The following NT5DC3 variants were observed in gnomAD, a reference collection of about 807,000 sequenced individuals.
NT5DC3 encodes 5'-nucleotidase domain containing 3, also known as 5'-nucleotidase domain-containing protein 3.
A neutral mutation model predicts 67.8 loss-of-function variants in NT5DC3; 42 were observed. The observed-to-expected ratio is 0.62, with a 90% CI of 0.48 to 0.80. The LOEUF (loss-of-function observed/expected upper bound fraction) is 0.80. NT5DC3 is among the 30% of genes least tolerant of loss of function. The probability of loss-of-function intolerance (pLI) is 0.00; values close to 1 mark genes in which losing one functional copy is unlikely to be tolerated. For missense variants in NT5DC3, 570 were observed against 696.4 expected, an observed-to-expected ratio of 0.82 and a Z score of 2.04; for synonymous variants, 237 against 255.6, an observed-to-expected ratio of 0.93 and a Z score of 0.69.
intron 2 of NT5DC3, among the ~76,000 whole-genome samples, chr12:103,809,584 C>T (rs770865184): frequency 1.3e-5 from 2 of 152,234 alleles, no homozygotes; most frequent in Non-Finnish European, 2.9e-5. Context: ...AAAGTCACAT[C>T]TTACATGGCA....
downstream of NT5DC3, among the ~76,000 whole-genome samples, chr12:103,771,785 G>GT (rs1246020882): frequency 1.3e-5 from 2 of 152,188 alleles, no homozygotes; most frequent in Non-Finnish European, 2.9e-5. Flanking sequence ...GAAGCCCCAA[G>GT]TGTCTTATAA....
chr12:103,763,764 G>C, the NT5DC3 span: 1 of 674,888 alleles, frequency 1.5e-6, no homozygotes, highest in Admixed American at 2.8e-5. Context: ...CAAGCTGACT[G>C]AAGCCAGTGT....
At position 103,809,683 on chromosome 12, in the gene NT5DC3, GA is replaced by G. The variant is rs1886948053; in HGVS notation, c.394-2755del. 3.3e-5 allele frequency among the ~76,000 whole-genome samples: 5 copies of G among 152,226 alleles called. 1 individual carries two copies. In the South Asian group the frequency reaches 1.0e-3, roughly 32 times the overall value. On this transcript the variant is annotated intron_variant, in intron 2 of 13. Coordinates refer to ENST00000392876, the MANE Select transcript of NT5DC3 (RefSeq NM_001031701.3). ...ATTCACTATTGTGAGAACAGCACAG[GA>G]AAAACCCACCCCCATGATTCAATTG...
At chr12:103,807,724 C>A (rs1886862506) in intron 2 of NT5DC3, among the ~76,000 whole-genome samples, 1 of 152,196 alleles carries the variant, frequency 6.6e-6, no homozygotes, top group South Asian at 2.1e-4. Context: ...TTGTAGTTCC[C>A]ATAATTCCCA....
At chr12:103,787,589 A>T in intron 10 of NT5DC3, 62 bp from the exon 11 acceptor site, 1 of 937,098 alleles carries the variant, frequency 1.1e-6, no homozygotes, top group Admixed American at 2.5e-5. Context: ...AACCCACAGT[A>T]CAAAATATAA....
intron 4 of NT5DC3, among the ~76,000 whole-genome samples, chr12:103,802,965 G>C (rs185674855): frequency 1.1e-4 from 17 of 152,244 alleles, no homozygotes; most frequent in African/African-American, 3.4e-4. Context: ...ATGATTTAGG[G>C]AATCAGTCTG....
intron 4 of NT5DC3, 78 bp downstream of exon 4, chr12:103,806,244 T>C (rs1357747933): frequency 2.3e-6 from 2 of 871,640 alleles, no homozygotes; most frequent in Admixed American, 1.8e-5. Context: ...CTCTTCATCA[T>C]TAAACAGTCA....
At chr12:103,828,451 T>C (rs185137596) in intron 1 of NT5DC3, among the ~76,000 whole-genome samples, 4 of 152,334 alleles carry the variant, frequency 2.6e-5, no homozygotes, top group Admixed American at 1.3e-4. Context: ...TAAATCTTTT[T>C]ACTACTTTCT....
chr12:103,816,967 C>CTTTTTTTTTTTTT (rs376622215), intron 1 of NT5DC3, among the ~76,000 whole-genome samples: 10 of 118,954 alleles, frequency 8.4e-5, no homozygotes, highest in East Asian at 4.7e-4. Flanking sequence ...TTTCTTTTTT[C>CTTTTTTTTTTTTT]TTTTTTTTTT....
At chr12:103,793,109 A>G in intron 9 of NT5DC3, 55 bp downstream of exon 9, 2 of 1,199,482 alleles carry the variant, frequency 1.7e-6, no homozygotes, top group Non-Finnish European at 2.4e-6. Context: ...CACCATCTAT[A>G]TATTCACAGC....
chr12:103,771,240 T>C (rs1288282013), downstream of NT5DC3: 2 of 152,216 alleles, frequency 1.3e-5, no homozygotes, highest in Non-Finnish European at 2.9e-5. Context: ...CTGTGGAGGA[T>C]GTGCTCTTCT....
chr12:103,753,410 G>GC, the NT5DC3 span: 1 of 1,611,016 alleles, frequency 6.2e-7, no homozygotes, highest in Non-Finnish European at 8.5e-7. Flanking sequence ...CGGAAGTGCA[G>GC]CCCTTTCTTA....
chr12:103,809,384 G>A (rs1452792748), intron 2 of NT5DC3, among the ~76,000 whole-genome samples: 1 of 152,198 alleles, frequency 6.6e-6, no homozygotes, highest in Non-Finnish European at 1.5e-5. Context: ...CACTCTCAAT[G>A]TTATTCTTGG....
At chr12:103,754,322 ATTT>A in the NT5DC3 span, among the ~76,000 whole-genome samples, 3 of 152,092 alleles carry the variant, frequency 2.0e-5, no homozygotes, top group South Asian at 6.2e-4. Context: ...TAGGAACTCA[ATTT>A]TTAAGATTAT....
the NT5DC3 span, chr12:103,755,377 A>C: frequency 6.2e-7 from 1 of 1,613,988 alleles, no homozygotes; most frequent in African/African-American, 1.3e-5. Context: ...CGCCTCCCAG[A>C]ACTGTGGCTC....
At chr12:103,763,590 T>C in the NT5DC3 span, 147 of 1,613,904 alleles carry the variant, frequency 9.1e-5, no homozygotes, top group Non-Finnish European at 1.2e-4. Context: ...CCCCAGAACC[T>C]TCCTACGACC....
At chr12:103,805,788 G>T (rs1419239916) in intron 4 of NT5DC3, among the ~76,000 whole-genome samples, 1 of 141,836 alleles carries the variant, frequency 7.1e-6, no homozygotes, top group Non-Finnish European at 1.5e-5. Context: ...AGAGGCTGCA[G>T]TGAGCCTAGA....
At chr12:103,784,616 C>T (rs1032850143) in intron 12 of NT5DC3, among the ~76,000 whole-genome samples, 24 of 152,220 alleles carry the variant, frequency 1.6e-4, no homozygotes, top group African/African-American at 4.8e-4. Context: ...CATGCTGAGA[C>T]GGCTGTAGCC....
chr12:103,746,631 T>A, the NT5DC3 span: 1 of 1,614,044 alleles, frequency 6.2e-7, no homozygotes, highest in Non-Finnish European at 8.5e-7. Context: ...CTTGTTCTGC[T>A]CATGCCACCT....
Sources: gnomAD v4.1 joint callset for allele counts (sites outside exome capture counted in the v4.1 genomes callset) on GRCh38, gnomAD v4.1.1 for gene constraint, MANE v1.5 for transcripts, NCBI Gene and HGNC (gene_info 2026-07-23, HGNC 2026-07-21) for gene names.